Variants in SPATA31C2 observed in about 807,000 individuals in gnomAD.
SPATA31C2 encodes spermatogenesis-associated protein 31C2.
Under a neutral mutation model 11.4 loss-of-function variants are expected in SPATA31C2, and 5 were observed. The ratio of observed to expected loss-of-function variants is 0.44; its 90% CI spans 0.23 to 0.92. The LOEUF is 0.92. Among genes scored for constraint, SPATA31C2 ranks in the 40% least tolerant of loss-of-function variants. The pLI is 0.24. For missense variants in SPATA31C2, 1,353 were observed against 1,368.6 expected, an observed-to-expected ratio of 0.99 and a Z score of 0.18; for synonymous variants, 515 against 538.7, an observed-to-expected ratio of 0.96 and a Z score of 0.61.
Position 88,131,204 on chromosome 9 carries a change from G to T in SPATA31C2, c.1833C>A (p.Asn611Lys). The T allele has an allele frequency of 6.2e-7, 1 of 1,611,842 alleles. No individual in the cohort carries two copies. The highest frequency in any genetic ancestry group is 8.5e-7 in the Non-Finnish European group (1 of 1,179,866). The change falls in exon 4 of 4, where the codon AAC (asparagine) becomes AAA (lysine). Residue 611 changes from asparagine to lysine, a missense_variant. By Grantham distance (94) the Asn-to-Lys change is moderately conservative (BLOSUM62 0). Around this residue, in one of 6 missense-constraint regions of SPATA31C2, gnomAD observed 1,075 missense variants for 992.8 expected, o/e 1.08. Transcript: ENST00000324915. ...CTAGATTGCTGGTTTTCACGTGGGT[G>T]TTGGAGACGGGAAAAGCCTGGTTGA... ...LAVNQAFPVS[N>K]THVKTSNLAA...
Position 88,130,300 on chromosome 9 carries a change from G to C in SPATA31C2, c.2737C>G (p.Gln913Glu). 6.2e-7 allele frequency: 1 copy of C among 1,609,132 alleles called. No individual in the cohort carries two copies. The change falls in exon 4 of 4, where the codon CAG becomes GAG. Residue 913 changes from glutamine to glutamate, a missense_variant. Transcript: ENST00000324915. Reference sequence around the variant, plus strand: ...AGGTCACATAGCTCCTGGGAAGCCTGCATGTTCCCAGTAGGCATGCTCTGG... The same window carrying C: ...AGGTCACATAGCTCCTGGGAAGCCTCCATGTTCCCAGTAGGCATGCTCTGG... ...HLQSMPTGNMQASQELCDLMS... is the reference protein window; with the variant it reads ...HLQSMPTGNMEASQELCDLMS...
intron 3 of SPATA31C2, 90 bp from the exon 4 acceptor site, chr9:88,132,800 C>A: frequency 7.8e-7 from 1 of 1,279,570 alleles, no homozygotes; most frequent in East Asian, 3.3e-5. Flanking sequence ...CTCCACCACG[C>A]CACACCCTGA....
chr9:88,136,379 G>C lies in SPATA31C2; in HGVS notation c.189+1879C>G, dbSNP rs572163141. Among the ~76,000 whole-genome samples the C allele has an allele frequency of 5.5e-3, 766 of 138,532 alleles. 15 individuals are homozygous for C. Among genetic ancestry groups the C allele is most frequent in the Non-Finnish European group, 8.7e-3 (567 of 65,114 alleles). 90.9% of individuals were successfully genotyped at this position (138,532 alleles called of 152,430 possible). A position where few individuals can be genotyped will look rare whatever the true frequency, so the allele number is the denominator to read the frequency against. The stretch of plus-strand genomic sequence containing the variant: ...CGTGCCTTTAGCCCATTTTCTAATT[G>C]GCTTGTTTTTTCTTGTTGTCGTTGT... On this transcript the variant is annotated intron_variant, in intron 1 of 3. Transcript: ENST00000324915.
intron 1 of SPATA31C2, among the ~76,000 whole-genome samples, chr9:88,137,369 A>G (rs1158526565): frequency 7.5e-5 from 11 of 147,084 alleles, no homozygotes; most frequent in African/African-American, 2.7e-4. Context: ...TCATGCCTGT[A>G]ATCCCAGCAC....
At position 88,130,371 on chromosome 9, in the gene SPATA31C2, G is replaced by T; in HGVS notation, c.2666C>A (p.Pro889His). The T allele has an allele frequency of 1.9e-6, 3 of 1,610,830 alleles. No homozygotes were observed. The South Asian group carries it at 3.3e-5, about 18-fold the overall frequency. The change falls in exon 4 of 4, where the codon CCC becomes CAC. Residue 889 changes from proline (P) to histidine (H), a missense_variant. Physicochemically the swap from Pro to His is moderately conservative, Grantham distance 77. Around this residue, in one of 6 missense-constraint regions of SPATA31C2, gnomAD observed 1,075 missense variants for 992.8 expected, o/e 1.08. Transcript: ENST00000324915. Reference protein sequence around the residue: ...LLPDGQASVVPHASENLASQV... With the variant: ...LLPDGQASVVHHASENLASQV... ...AGAAGCCAAATTCTCTGAAGCATGG[G>T]GCACAACAGATGCTTGCCCATCTGG...
In SPATA31C2 at chr9:88,132,417, G is replaced by A. The variant is rs12347140; in HGVS notation, c.620C>T (p.Pro207Leu). The A allele has an allele frequency of 1.2e-5, 19 of 1,611,120 alleles. No homozygotes were observed. In the African/African-American group the frequency reaches 2.0e-4, roughly 17 times the overall value. Reference sequence around the variant, plus strand: ...GCGTGGTGGGTGAGGGAAAAGTGCAGGTGGCTCGGGTGAGGGATGTTCTAG... The same window carrying A: ...GCGTGGTGGGTGAGGGAAAAGTGCAAGTGGCTCGGGTGAGGGATGTTCTAG... ...LLLEHPSPEP[P>L]ALFPHPPRTP... The change falls in exon 4 of 4, where the codon CCT becomes CTT. Residue 207 changes from proline to leucine, a missense_variant. By Grantham distance (98) the Pro-to-Leu change is moderately conservative. Coordinates refer to ENST00000324915, the MANE Select transcript of SPATA31C2 (RefSeq NM_001350978.3).
rs576541778 is a variant in SPATA31C2 at position 88,130,670 on chromosome 9, G to A, written c.2367C>T (p.Ala789=). The change falls in exon 4 of 4, where the codon GCC becomes GCT. Residue 789 remains alanine (A), a synonymous_variant. Transcript: ENST00000324915. Reference sequence around the variant, plus strand: ...TGGTCTCTCCAGCCCTTGAAGATTGGGCTCCTAAGCTCCTGCTCTGCTGGG... The same window carrying A: ...TGGTCTCTCCAGCCCTTGAAGATTGAGCTCCTAAGCTCCTGCTCTGCTGGG... ...GSTQQSRSLG[A]QSSRAGETRE... 6.2e-7 allele frequency: 1 copy of A among 1,613,864 alleles called. No homozygotes were observed. Among genetic ancestry groups the A allele is most frequent in the South Asian group, 1.1e-5 (1 of 91,074 alleles).
At position 88,130,592 on chromosome 9, in the gene SPATA31C2, G is replaced by A. The variant is rs1825571760; in HGVS notation, c.2445C>T (p.Asn815=). ...GCACATCCTCACTTGTGGCTTGGAG[G>A]TTTGCTCTCATACAGGTTCCCAAGG... The part of the protein sequence containing the change: ...TVPLGTCMRA[N]LQATSEDVRG... The change falls in exon 4 of 4, where the codon AAC becomes AAT. Residue 815 remains asparagine, a synonymous_variant. Transcript: ENST00000324915. 1 of 1,613,614 alleles carries A rather than the reference G, an allele frequency of 6.2e-7. No homozygotes were observed. The highest frequency in any genetic ancestry group is 8.5e-7 in the Non-Finnish European group (1 of 1,179,692).
chr9:88,135,835 C>G (rs1587690556), intron 1 of SPATA31C2, among the ~76,000 whole-genome samples: 1 of 143,780 alleles, frequency 7.0e-6, no homozygotes, highest in Admixed American at 7.0e-5. Context: ...CACTTTGAAT[C>G]AAAGGGACCT....
intron 1 of SPATA31C2, among the ~76,000 whole-genome samples, chr9:88,134,177 A>G (rs988473792): frequency 1.4e-5 from 2 of 146,430 alleles, no homozygotes; most frequent in Non-Finnish European, 3.0e-5. Flanking sequence ...ACACACGCAC[A>G]CACACAGGGA....
intron 1 of SPATA31C2, 68 bp from the exon 2 acceptor site, chr9:88,133,737 A>T (rs1825640445): frequency 6.6e-7 from 1 of 1,504,438 alleles, no homozygotes; most frequent in African/African-American, 1.5e-5. Flanking sequence ...CAGCCGCAGC[A>T]CGCTGCACTC....
chr9:88,134,455 C>A (rs556286964), intron 1 of SPATA31C2, among the ~76,000 whole-genome samples: 19 of 141,982 alleles, frequency 1.3e-4, no homozygotes, highest in Admixed American at 8.4e-4. Context: ...CGGACAGAGA[C>A]CTCCCCCGTC....
chr9:88,130,526 G>C lies in SPATA31C2; in HGVS notation c.2511C>G (p.Leu837=), dbSNP rs1825570261. 1 of 1,613,404 alleles carries C rather than the reference G, an allele frequency of 6.2e-7. No homozygotes were observed. Among genetic ancestry groups the C allele is most frequent in the East Asian group, 2.2e-5 (1 of 44,818 alleles). ...KAPGASKSSL[L]PRMSVSQDPR... is the part of the protein sequence containing the mutation. ...GGTCTTGGGAGACAGACATTCTAGG[G>C]AGTAGAGAGCTTTTGCTGGCGCCTG... The change falls in exon 4 of 4, where the codon CTC becomes CTG. Residue 837 remains leucine, a synonymous_variant. Transcript: ENST00000324915.
Position 88,131,152 on chromosome 9 carries a change from C to T in SPATA31C2, c.1885G>A (p.Val629Met), listed in dbSNP as rs537328122. ...AAGGAAAGCACCTGGGCTGTGTTCA[C>T]ACAGGCTTTCCTGCTTTTCGGGGCT... The part of the protein sequence containing the change: ...LAAPKSRKAC[V>M]NTAQVLSFLE... The change falls in exon 4 of 4, where the codon GTG becomes ATG. Residue 629 changes from valine (V) to methionine (M), a missense_variant. Val to Met is a conservative substitution (Grantham distance 21, BLOSUM62 1). This residue lies in a region of SPATA31C2 where 1,075 missense variants were observed against 992.8 expected (regional missense o/e 1.08). Coordinates refer to ENST00000324915, the MANE Select transcript of SPATA31C2 (RefSeq NM_001350978.3). 6.2e-7 allele frequency: 1 copy of T among 1,611,994 alleles called. No individual in the cohort carries two copies. Among genetic ancestry groups the T allele is most frequent in the Admixed American group, 1.7e-5 (1 of 59,986 alleles).
chr9:88,130,655 A>C lies in SPATA31C2; in HGVS notation c.2382T>G (p.Ala794=), dbSNP rs1301851674. The C allele has an allele frequency of 6.2e-7, 1 of 1,613,836 alleles. No individual in the cohort carries two copies. The highest frequency in any genetic ancestry group is 2.2e-5 in the East Asian group (1 of 44,834). The part of the protein sequence containing the change: ...SRSLGAQSSR[A]GETREAVPQP... ...GTGGCACTGCCTCCCTGGTCTCTCC[A>C]GCCCTTGAAGATTGGGCTCCTAAGC... Residue 794 remains alanine (A), a synonymous_variant, in exon 4 of 4, where the codon GCT becomes GCG. Coordinates refer to ENST00000324915, the MANE Select transcript of SPATA31C2 (RefSeq NM_001350978.3).
Position 88,136,184 on chromosome 9 carries a change from T to C in SPATA31C2, c.189+2074A>G, listed in dbSNP as rs374305236. Among the ~76,000 whole-genome samples the C allele has an allele frequency of 9.0e-3, 1,244 of 138,540 alleles. No homozygotes were observed. In the East Asian group the frequency reaches 0.12, roughly 13 times the overall value. 90.9% of individuals were successfully genotyped at this position (138,540 alleles called of 152,430 possible). ...TCCTGACCTTGTGATCCGCCCGCCT[T>C]GGCCTCCCAAAGTGCTGGGATTACA... On this transcript the variant is annotated intron_variant, in intron 1 of 3. Transcript: ENST00000324915.
At chr9:88,134,020 G>A (rs1825645715) in intron 1 of SPATA31C2, among the ~76,000 whole-genome samples, 1 of 151,404 alleles carries the variant, frequency 6.6e-6, no homozygotes, top group South Asian at 2.1e-4. Context: ...CAGGCGTGGT[G>A]GCGGGCGCCT....
rs1484749058 is a variant in SPATA31C2 at position 88,131,116 on chromosome 9, A to G, written c.1921T>C (p.Cys641Arg). 1.2e-6 allele frequency: 2 copies of G among 1,612,016 alleles called. No individual in the cohort carries two copies. Among genetic ancestry groups the G allele is most frequent in the Non-Finnish European group, 1.7e-6 (2 of 1,179,850 alleles). Residue 641 changes from cysteine (C) to arginine (R), a missense_variant, in exon 4 of 4, where the codon TGT becomes CGT. This residue lies in a region of SPATA31C2 where 1,075 missense variants were observed against 992.8 expected (regional missense o/e 1.08). Transcript: ENST00000324915. ...TAQVLSFLEP[C>R]TQQVLGAHIV... ...TGGGCTCCCAGCACCTGCTGAGTAC[A>G]CGGCTCAAGGAAGGAAAGCACCTGG...
rs1348556300 is a variant in SPATA31C2, at chr9:88,131,191, T to C, written c.1846A>G (p.Thr616Ala). The change falls in exon 4 of 4, where the codon ACC becomes GCC. Residue 616 changes from threonine to alanine, a missense_variant. Around this residue, in one of 6 missense-constraint regions of SPATA31C2, gnomAD observed 1,075 missense variants for 992.8 expected, o/e 1.08. Transcript: ENST00000324915. ...CTTTTCGGGGCTGCTAGATTGCTGG[T>C]TTTCACGTGGGTGTTGGAGACGGGA... ...AFPVSNTHVK[T>A]SNLAAPKSRK... The C allele has an allele frequency of 6.2e-7, 1 of 1,611,674 alleles. No individual in the cohort carries two copies. The highest frequency in any genetic ancestry group is 1.1e-5 in the South Asian group (1 of 90,972).
Sources: allele counts gnomAD v4.1 joint callset (sites outside exome capture counted in the v4.1 genomes callset), GRCh38; gene constraint gnomAD v4.1.1; regional missense constraint gnomAD v4.1.1; transcripts MANE v1.5; gene names NCBI Gene and HGNC (gene_info 2026-07-23, HGNC 2026-07-21).